Variants in DAGLB observed in about 807,000 individuals in gnomAD.
The protein encoded by DAGLB is diacylglycerol lipase-beta.
A neutral mutation model predicts 72.1 loss-of-function variants in DAGLB; 66 were observed. The observed-to-expected ratio is 0.92, with a 90% CI of 0.75 to 1.12. The LOEUF is 1.12. DAGLB is among the 50% of genes most tolerant of loss of function. The pLI is 0.00. For synonymous variants in DAGLB, 414 were observed against 359.5 expected (o/e 1.15, Z -1.71); for missense variants, 1,065 against 884.9 (o/e 1.20, Z -2.58).
intron 2 of DAGLB, among the ~76,000 whole-genome samples, chr7:6,437,362 C>A (rs568008077): frequency 6.6e-6 from 1 of 152,092 alleles, no homozygotes; most frequent in South Asian, 2.1e-4. Flanking sequence ...TCTGTAATCC[C>A]CACAATGACT....
intron 2 of DAGLB, among the ~76,000 whole-genome samples, chr7:6,441,845 C>T (rs983730768): frequency 1.6e-4 from 25 of 152,086 alleles, no homozygotes; most frequent in African/African-American, 5.8e-4. Flanking sequence ...ACAGAAAATT[C>T]AACTCAAACT....
intron 3 of DAGLB, among the ~76,000 whole-genome samples, chr7:6,436,100 AAGAG>A (rs112547697): frequency 3.4e-4 from 52 of 152,190 alleles, no homozygotes; most frequent in East Asian, 2.1e-3. Flanking sequence ...AAAAAAAAAA[AAGAG>A]AGAGAGACAG....
chr7:6,442,260 G>C (rs1370454162), intron 2 of DAGLB, among the ~76,000 whole-genome samples: 1 of 152,222 alleles, frequency 6.6e-6, no homozygotes, highest in African/African-American at 2.4e-5. Context: ...AGGAGGCTGT[G>C]GGATAGACAA....
Position 6,424,754 on chromosome 7 carries a change from G to A in DAGLB, c.1138C>T (p.Gln380Ter). The A allele has an allele frequency of 6.2e-7, 1 of 1,613,478 alleles. No individual in the cohort carries two copies. Among genetic ancestry groups the A allele is most frequent in the Non-Finnish European group, 8.5e-7 (1 of 1,179,742 alleles). The change falls in exon 8 of 15, where the codon CAG becomes TAG. Residue 380 changes from glutamine to a stop codon, truncating the protein, a stop_gained and splice_region_variant. Transcript: ENST00000297056. LOFTEE classifies it high-confidence loss of function. ...GGAAAGTCAGGTTCCAACGTTACCT[G>A]CAGAGACATGGTCCCCCTCACAGCG... ...VVAVRGTMSL[Q>*]DVLTDLSAES...
chr7:6,442,157 T>A (rs1243729049), intron 2 of DAGLB, among the ~76,000 whole-genome samples: 2 of 152,078 alleles, frequency 1.3e-5, no homozygotes. Flanking sequence ...CCTGAACCAA[T>A]CACCAATACG....
In DAGLB at chr7:6,432,874, G is replaced by T; in HGVS notation, c.764C>A (p.Pro255His). The stretch of plus-strand genomic sequence containing the variant: ...TGGGGCATGGCAGACCACCTGGGCA[G>T]GCTCTTGGTTGTTCCTGATATTGTC... ...QQDNIRNNQE[P>H]AQVVCHAPGS... The change falls in exon 5 of 15, where the codon CCT becomes CAT. Residue 255 changes from proline to histidine, a missense_variant. Transcript: ENST00000297056. 6.2e-7 allele frequency: 1 copy of T among 1,613,982 alleles called. No individual in the cohort carries two copies. Among genetic ancestry groups the T allele is most frequent in the East Asian group, 2.2e-5 (1 of 44,880 alleles).
chr7:6,446,473 G>A (rs1394770769), intron 1 of DAGLB, among the ~76,000 whole-genome samples: 4 of 58,876 alleles, frequency 6.8e-5, no homozygotes, highest in African/African-American at 2.0e-4. Context: ...ATGAGACTCC[G>A]TCTCAAAAAA....
intron 2 of DAGLB, chr7:6,445,660 A>G (rs1410214841): frequency 7.6e-5 from 16 of 209,792 alleles, no homozygotes; most frequent in Non-Finnish European, 9.5e-6. Flanking sequence ...ATGGGGTTCC[A>G]CTGTGTTGGC....
chr7:6,420,530 T>C (rs762970056), intron 9 of DAGLB, among the ~76,000 whole-genome samples: 4 of 151,872 alleles, frequency 2.6e-5, no homozygotes, highest in East Asian at 1.9e-4. Context: ...AGACGACTTA[T>C]AGAGACAAAG....
intron 6 of DAGLB, among the ~76,000 whole-genome samples, chr7:6,429,279 C>G (rs1228829114): frequency 6.6e-6 from 1 of 151,998 alleles, no homozygotes; most frequent in Non-Finnish European, 1.5e-5. Flanking sequence ...TAAATCTAAT[C>G]ATGGGGAAAC....
chr7:6,417,055 A>G (rs1366352914), intron 9 of DAGLB, 134 bp from the exon 10 acceptor site: 2 of 1,009,850 alleles, frequency 2.0e-6, no homozygotes, highest in Non-Finnish European at 3.0e-6. Flanking sequence ...ATCAGCAGCC[A>G]CGTCCATCGT....
chr7:6,422,694 T>C (rs372496421), intron 8 of DAGLB: 2 of 152,514 alleles, frequency 1.3e-5, no homozygotes, highest in African/African-American at 4.8e-5. Flanking sequence ...TGGGTATTCA[T>C]GGACACAAAG....
At chr7:6,416,004 T>C (rs1332754419) in intron 11 of DAGLB, among the ~76,000 whole-genome samples, 1 of 151,712 alleles carries the variant, frequency 6.6e-6, no homozygotes, top group African/African-American at 2.4e-5. Flanking sequence ...CGCATGGATG[T>C]CAACAACCGG....
Position 6,446,014 on chromosome 7 carries a change from G to A in DAGLB, c.186C>T (p.Leu62=). ...GALLSSYLIV[L]MILLAVVICT... is the part of the protein sequence containing the mutation. ...ATATGACAACTGCCAGGAGAATCAT[G>A]AGGACGATCAAGTAACTGCTGAGCA... Residue 62 remains leucine (L), a synonymous_variant, in exon 2 of 15, where the codon CTC becomes CTT. Coordinates refer to ENST00000297056, the MANE Select transcript of DAGLB (RefSeq NM_139179.4). 6.2e-7 allele frequency: 1 copy of A among 1,613,790 alleles called. No individual in the cohort carries two copies. Among genetic ancestry groups the A allele is most frequent in the Non-Finnish European group, 8.5e-7 (1 of 1,179,946 alleles).
At chr7:6,435,246 G>C (rs1252368702) in intron 3 of DAGLB, among the ~76,000 whole-genome samples, 2 of 152,162 alleles carry the variant, frequency 1.3e-5, no homozygotes, top group Non-Finnish European at 2.9e-5. Context: ...CCAGCACTTT[G>C]GGAGGCCGAG....
intron 9 of DAGLB, chr7:6,417,277 T>G: frequency 5.7e-6 from 1 of 175,226 alleles, no homozygotes; most frequent in Non-Finnish European, 1.2e-5. Flanking sequence ...AAAAAAAAAT[T>G]AACGGGGCTT....
At chr7:6,437,228 A>G (rs1269101655) in intron 2 of DAGLB, among the ~76,000 whole-genome samples, 1 of 151,716 alleles carries the variant, frequency 6.6e-6, no homozygotes, top group Non-Finnish European at 1.5e-5. Context: ...CACAAAACAG[A>G]ACTGTCCCAG....
intron 1 of DAGLB, among the ~76,000 whole-genome samples, chr7:6,446,575 T>C (rs1785012299): frequency 6.6e-6 from 1 of 151,536 alleles, no homozygotes; most frequent in African/African-American, 2.4e-5. Context: ...AATTTTCTTT[T>C]TGTAGAGACA....
rs755699927 is a variant in DAGLB at position 6,412,992 on chromosome 7, G to A, written c.1470C>T (p.Leu490=). The part of the protein sequence containing the change: ...QEYSQSFIVS[L]VLGKDVIPRL... ...TGGGAATCACATCCTTCCCCAGGAC[G>A]AGTGACACGATGAAGCTCTGAGAAT... The change falls in exon 12 of 15, where the codon CTC becomes CTT. Residue 490 remains leucine (L), a synonymous_variant. Coordinates refer to ENST00000297056, the MANE Select transcript of DAGLB (RefSeq NM_139179.4). 8.1e-6 allele frequency: 13 copies of A among 1,613,976 alleles called. No homozygotes were observed. Among genetic ancestry groups the A allele is most frequent in the South Asian group, 2.2e-5 (2 of 91,064 alleles).
Sources: gnomAD v4.1 joint callset for allele counts (sites outside exome capture counted in the v4.1 genomes callset) on GRCh38, gnomAD v4.1.1 for gene constraint, MANE v1.5 for transcripts, NCBI Gene and HGNC (gene_info 2026-07-23, HGNC 2026-07-21) for gene names.